Variants in NTNG1 observed in about 807,000 individuals in gnomAD.
The protein encoded by NTNG1 is netrin-G1.
A neutral mutation model predicts 54.0 loss-of-function variants in NTNG1; 16 were observed. That is an observed-to-expected ratio of 0.30 (90% CI 0.20 to 0.45). The LOEUF is 0.45. NTNG1 is among the 20% of genes least tolerant of loss of function. NTNG1 has a pLI of 1.00. For missense variants in NTNG1, 530 were observed against 678.7 expected, an observed-to-expected ratio of 0.78 and a Z score of 2.43; for synonymous variants, 255 against 263.1, an observed-to-expected ratio of 0.97 and a Z score of 0.30.
intron 3 of NTNG1, among the ~76,000 whole-genome samples, chr1:107,350,259 A>T (rs566345219): frequency 6.6e-6 from 1 of 152,318 alleles, no homozygotes; most frequent in East Asian, 1.9e-4. Context: ...TAATTGATCC[A>T]TAGAAATATA....
intron 3 of NTNG1, among the ~76,000 whole-genome samples, chr1:107,352,533 A>G (rs952204696): frequency 2.6e-5 from 4 of 152,162 alleles, no homozygotes; most frequent in Admixed American, 1.3e-4. Flanking sequence ...CCTTCCACCT[A>G]TGAGTCTGTA....
At chr1:107,303,627 T>C (rs1280507489) in intron 2 of NTNG1, among the ~76,000 whole-genome samples, 3 of 152,204 alleles carry the variant, frequency 2.0e-5, no homozygotes, top group Admixed American at 2.0e-4. Flanking sequence ...CCACTTAAAC[T>C]ACTATCCCAT....
chr1:107,461,050 A>T (rs1677252134), intron 7 of NTNG1, among the ~76,000 whole-genome samples: 1 of 152,160 alleles, frequency 6.6e-6, no homozygotes. Flanking sequence ...GTGAAACAAG[A>T]CAGAGAAGGC....
At chr1:107,297,907 T>C (rs566272978) in intron 2 of NTNG1, among the ~76,000 whole-genome samples, 11 of 152,196 alleles carry the variant, frequency 7.2e-5, no homozygotes, top group African/African-American at 2.6e-4. Context: ...AAAGCAGACC[T>C]GGATAAGAAG....
At chr1:107,143,736 T>G (rs1653907759) in intron 1 of NTNG1, among the ~76,000 whole-genome samples, 1 of 151,598 alleles carries the variant, frequency 6.6e-6, no homozygotes, top group Non-Finnish European at 1.5e-5. Flanking sequence ...GTTTGAGACC[T>G]TAGATCTCTG....
chr1:107,381,397 T>C (rs907284249), intron 3 of NTNG1, among the ~76,000 whole-genome samples: 2 of 150,864 alleles, frequency 1.3e-5, no homozygotes, highest in Non-Finnish European at 3.0e-5. Context: ...TTTAACTAAT[T>C]TGTTTCGTAA....
intron 3 of NTNG1, among the ~76,000 whole-genome samples, chr1:107,371,032 G>A (rs1557941159): frequency 6.6e-6 from 1 of 152,000 alleles, no homozygotes; most frequent in Non-Finnish European, 1.5e-5. Context: ...GTGAGAATGA[G>A]CATCTTTTCT....
chr1:107,226,685 C>G (rs550196534), intron 2 of NTNG1, among the ~76,000 whole-genome samples: 1 of 152,244 alleles, frequency 6.6e-6, no homozygotes, highest in East Asian at 1.9e-4. Context: ...TCTATACTTT[C>G]ATTATTGTGT....
At chr1:107,315,087 TAC>T (rs1479373233) in intron 2 of NTNG1, among the ~76,000 whole-genome samples, 2 of 152,210 alleles carry the variant, frequency 1.3e-5, no homozygotes, top group Non-Finnish European at 2.9e-5. Context: ...CAGTAAAAAG[TAC>T]CACCAAACAC....
chr1:107,361,364 TATATATATAC>T (rs1210796871), intron 3 of NTNG1, among the ~76,000 whole-genome samples: 3 of 52,878 alleles, frequency 5.7e-5, no homozygotes, highest in Non-Finnish European at 1.2e-4. Context: ...ATATAACATA[TATATATATAC>T]ATATATATAT....
At chr1:107,480,550 C>A (rs1678624233) in intron 7 of NTNG1, 61 bp from the exon 8 acceptor site, 2 of 1,003,462 alleles carry the variant, frequency 2.0e-6, no homozygotes, top group Admixed American at 2.4e-5. Flanking sequence ...AGATGAACTT[C>A]AATTGATTCT....
intron 7 of NTNG1, among the ~76,000 whole-genome samples, chr1:107,454,539 T>C (rs892245215): frequency 6.6e-6 from 1 of 151,664 alleles, no homozygotes; most frequent in Non-Finnish European, 1.5e-5. Flanking sequence ...ATCCTGTGTC[T>C]TTTTACCAAA....
At chr1:107,192,482 A>G (rs1658033772) in intron 2 of NTNG1, among the ~76,000 whole-genome samples, 1 of 151,962 alleles carries the variant, frequency 6.6e-6, no homozygotes, top group Admixed American at 6.6e-5. Flanking sequence ...TCTTGGCCCC[A>G]CAATCTCAAC....
Position 107,454,591 on chromosome 1 carries a change from AT to A in NTNG1, c.1390+17795del, listed in dbSNP as rs560974207. ...GACCAATTCCTCAAACCTGTCAAAA[AT>A]TTAGATAAATAAACATCAAACTGTG... On this transcript the variant is annotated intron_variant, in intron 7 of 7. Transcript: ENST00000370068. Among the ~76,000 whole-genome samples the A allele has an allele frequency of 7.5e-3, 1,136 of 152,304 alleles. 7 individuals carry two copies. Among genetic ancestry groups the A allele is most frequent in the Non-Finnish European group, 0.011 (761 of 68,030 alleles).
intron 7 of NTNG1, among the ~76,000 whole-genome samples, chr1:107,464,792 A>G (rs1374343705): frequency 2.6e-5 from 4 of 152,244 alleles, no homozygotes; most frequent in Admixed American, 2.6e-4. Flanking sequence ...CGTGAGATTC[A>G]TTCATCACTC....
rs576794008 is a variant in NTNG1 at position 107,366,541 on chromosome 1, G to A, written c.888-28613G>A. 9.2e-5 allele frequency among the ~76,000 whole-genome samples: 14 copies of A among 152,294 alleles called. 1 individual carries two copies. In the East Asian group the frequency reaches 1.9e-3, roughly 21 times the overall value. On this transcript the variant is annotated intron_variant, in intron 3 of 7. Transcript: ENST00000370068. ...AAGGGCTACAGAATGCCAGCATGTT[G>A]GGTTATAGCTCTGTAGACAAAAACT...
intron 2 of NTNG1, among the ~76,000 whole-genome samples, chr1:107,233,088 G>T (rs1283157919): frequency 6.6e-6 from 1 of 152,112 alleles, no homozygotes; most frequent in Non-Finnish European, 1.5e-5. Context: ...TAATATGACT[G>T]ATACATTTGC....
chr1:107,156,045 T>C (rs1654970192), intron 2 of NTNG1, among the ~76,000 whole-genome samples: 1 of 152,168 alleles, frequency 6.6e-6, no homozygotes, highest in African/African-American at 2.4e-5. Context: ...TGTGTGTAAG[T>C]ACACTCTATG....
intron 2 of NTNG1, among the ~76,000 whole-genome samples, chr1:107,260,027 TG>T (rs201952442): frequency 0.019 from 2,877 of 152,220 alleles, 98 homozygotes; most frequent in African/African-American, 0.066. Flanking sequence ...TTCATTTGAA[TG>T]CAAATTATAG....
Sources: gnomAD v4.1 joint callset for allele counts (sites outside exome capture counted in the v4.1 genomes callset) on GRCh38, gnomAD v4.1.1 for gene constraint, MANE v1.5 for transcripts, NCBI Gene and HGNC (gene_info 2026-07-23, HGNC 2026-07-21) for gene names.